GIT2: variants seen among roughly 807,000 people sequenced by gnomAD.
The protein encoded by GIT2 is ARF GTPase-activating protein GIT2.
In GIT2, 32 loss-of-function variants were observed where a neutral mutation model predicts 100.3. The ratio of observed to expected loss-of-function variants is 0.32; its 90% confidence interval spans 0.24 to 0.43. The LOEUF (loss-of-function observed/expected upper bound fraction) is 0.43, where lower values mean the gene tolerates loss of function less well. GIT2 is among the 20% of genes least tolerant of loss of function. GIT2 has a pLI of 1.00. For missense variants in GIT2, 737 were observed against 975.1 expected (o/e 0.76, Z 3.25); for synonymous variants, 353 against 364.1 (o/e 0.97, Z 0.35).
At position 109,942,065 on chromosome 12, in the gene GIT2, T is replaced by C. The variant is rs184695663; in HGVS notation, c.1732-2818A>G. The stretch of plus-strand genomic sequence containing the variant: ...GTCTTGAACTCCTGAGCTCAAGTGA[T>C]CCTCCAACTTTGGCCTCCCAAAGTG... On this transcript the variant is annotated intron_variant, in intron 16 of 19. Coordinates refer to ENST00000355312, the MANE Select transcript of GIT2 (RefSeq NM_057169.5). Among the ~76,000 whole-genome samples the C allele has an allele frequency of 3.9e-3, 595 of 152,250 alleles. 5 individuals are homozygous for C. The highest frequency in any genetic ancestry group is 6.4e-3 in the Non-Finnish European group (438 of 68,012).
chr12:109,933,132 C>T lies in GIT2; in HGVS notation c.2126G>A (p.Arg709Gln), dbSNP rs752619910. ...GGTCTTCTTGCACTCTGACTGCAGTCGGTAGGCACTGGACGTCAGTAAACG... is the reference window on the plus strand; with the variant it reads ...GGTCTTCTTGCACTCTGACTGCAGTTGGTAGGCACTGGACGTCAGTAAACG... ...SLRLLTSSAYRLQSECKKTLP... is the reference protein window; with the variant it reads ...SLRLLTSSAYQLQSECKKTLP... The change falls in exon 20 of 20, where the codon CGA (arginine) becomes CAA (glutamine). Residue 709 changes from arginine (R) to glutamine (Q), a missense_variant. Physicochemically the swap from Arg to Gln is conservative, Grantham distance 43. Around this residue, in one of 3 missense-constraint regions of GIT2, gnomAD observed 451 missense variants for 543.7 expected, o/e 0.83. Coordinates refer to ENST00000355312, the MANE Select transcript of GIT2 (RefSeq NM_057169.5). The surrounding 1 kb of genome is among the most constrained non-coding windows in gnomAD (Gnocchi z 4.5). The T allele has an allele frequency of 5.0e-6, 8 of 1,606,710 alleles. No individual in the cohort carries two copies. The highest frequency in any genetic ancestry group is 6.8e-6 in the Non-Finnish European group (8 of 1,176,268).
At chr12:109,939,291 C>T (rs1392159978) in intron 16 of GIT2, 44 bp from the exon 17 acceptor site, 2 of 1,096,760 alleles carry the variant, frequency 1.8e-6, no homozygotes, top group Non-Finnish European at 2.8e-6. Context: ...TAACATGAGA[C>T]TCTTCTCAGG....
intron 18 of GIT2, among the ~76,000 whole-genome samples, chr12:109,937,112 T>C (rs1223121139): frequency 6.6e-6 from 1 of 152,212 alleles, no homozygotes; most frequent in East Asian, 1.9e-4. Context: ...TCTTTTTCTC[T>C]GAGGAGCTTC....
chr12:109,968,927 T>C (rs1368737524), intron 7 of GIT2, among the ~76,000 whole-genome samples: 1 of 151,954 alleles, frequency 6.6e-6, no homozygotes, highest in African/African-American at 2.4e-5. Flanking sequence ...TTTCGCCACA[T>C]TGCCTAGGCT....
In GIT2 at chr12:109,938,690, A is replaced by C; in HGVS notation, c.1815-122T>G. The C allele has an allele frequency of 3.0e-6, 2 of 672,938 alleles. 1 individual carries two copies. The highest frequency in any genetic ancestry group is 4.0e-5 in the South Asian group (2 of 50,352). 41.7% of individuals were successfully genotyped at this position (672,938 alleles called of 1,614,324 possible). The stretch of plus-strand genomic sequence containing the variant: ...GCAGGCTGGTCTCGTCATTTCCTTT[A>C]TCCTGTCTAGCAGGAGACTCATGGT... On this transcript the variant is annotated intron_variant, in intron 17 of 19. Transcript: ENST00000355312.
intron 4 of GIT2, among the ~76,000 whole-genome samples, chr12:109,984,109 T>A (rs893447259): frequency 6.6e-6 from 1 of 152,090 alleles, no homozygotes; most frequent in African/African-American, 2.4e-5. Flanking sequence ...ACTTTCCTCA[T>A]CTCAAAAATG....
chr12:109,999,751 C>A, upstream of GIT2: 1 of 1,532,676 alleles, frequency 6.5e-7, no homozygotes, highest in South Asian at 1.2e-5. This position sits in a 1 kb window ranked among gnomAD's most constrained non-coding sequence, Gnocchi z 4.3. Context: ...GGAAAAACGA[C>A]TACCGGCAGC....
At chr12:109,938,242 A>G (rs1873597440) in intron 18 of GIT2, 138 bp downstream of exon 18, 1 of 599,692 alleles carries the variant, frequency 1.7e-6, no homozygotes, top group East Asian at 2.7e-5. Flanking sequence ...CATTGTTCTT[A>G]AGCCTGTTAT....
At position 109,945,269 on chromosome 12, in the gene GIT2, G is replaced by C. The variant is rs745681173; in HGVS notation, c.1722C>G (p.Ser574Arg). The change falls in exon 16 of 20, where the codon AGC becomes AGG. Residue 574 changes from serine (S) to arginine (R), a missense_variant. This residue lies in a region of GIT2 where 451 missense variants were observed against 543.7 expected (regional missense o/e 0.83). Coordinates refer to ENST00000355312, the MANE Select transcript of GIT2 (RefSeq NM_057169.5). ...PSTLSWSRDE[S>R]ARRASRLEKQ... ...TCAGAATGTACTTAACCCTTCGGGC[G>C]CTTTCGTCCCTCGACCAGGAAAGTG... The C allele has an allele frequency of 7.8e-6, 12 of 1,528,762 alleles. No individual in the cohort carries two copies. The highest frequency in any genetic ancestry group is 1.4e-5 in the African/African-American group (1 of 73,276). The allele number at this position is 1,528,762 out of a possible 1,614,324, so 94.7% of individuals were successfully genotyped here.
chr12:109,983,541 T>C, intron 5 of GIT2, 38 bp from the exon 6 acceptor site: 1 of 1,606,352 alleles, frequency 6.2e-7, no homozygotes, highest in Non-Finnish European at 8.5e-7. Flanking sequence ...AAAGAGCACA[T>C]TAAATAAAGG....
chr12:109,936,651 T>G (rs964572719), intron 18 of GIT2, among the ~76,000 whole-genome samples: 5 of 152,166 alleles, frequency 3.3e-5, no homozygotes, highest in African/African-American at 1.2e-4. Context: ...GTAGATCACT[T>G]GAGATCAGGA....
chr12:109,997,204 C>CAAAA (rs35732772), upstream of GIT2, among the ~76,000 whole-genome samples: 8 of 43,310 alleles, frequency 1.8e-4, no homozygotes, highest in African/African-American at 3.1e-4. Flanking sequence ...GACTCCGTCT[C>CAAAA]AAAAAAAAAA....
intron 11 of GIT2, 63 bp from the exon 12 acceptor site, chr12:109,960,021 A>G: frequency 1.9e-6 from 2 of 1,053,044 alleles, no homozygotes; most frequent in Non-Finnish European, 2.9e-6. Flanking sequence ...AAATAGTCAC[A>G]TAAAACTAGT....
rs1228397506 is a variant in GIT2 at position 109,932,176 on chromosome 12, G to C, written c.*802C>G. 1 of 152,244 alleles carries C rather than the reference G, an allele frequency of 6.6e-6. No homozygotes were observed. The highest frequency in any genetic ancestry group is 2.4e-5 in the African/African-American group (1 of 41,436). 9.4% of individuals were successfully genotyped at this position (152,244 alleles called of 1,614,324 possible). On this transcript the variant is annotated 3_prime_UTR_variant, in exon 20 of 20. Transcript: ENST00000355312. ...TAGACTGATGCTTCTCTTTGCTGCA[G>C]GTTTTGAACAAACTGTCTGGCTTAC...
intron 9 of GIT2, 105 bp downstream of exon 9, chr12:109,965,421 T>A: frequency 1.5e-6 from 1 of 665,338 alleles, no homozygotes; most frequent in Non-Finnish European, 2.6e-6. Flanking sequence ...AATAAAAGTA[T>A]GAAATAAAGT....
intron 12 of GIT2, among the ~76,000 whole-genome samples, chr12:109,958,889 A>AC (rs2136363045): frequency 6.6e-6 from 1 of 152,266 alleles, no homozygotes; most frequent in African/African-American, 2.4e-5. Context: ...ACTGAACTAG[A>AC]CTCAACAGGG....
At chr12:109,952,736 G>A (rs1304751361) in intron 13 of GIT2, 18 of 466,078 alleles carry the variant, frequency 3.9e-5, no homozygotes, top group South Asian at 2.2e-4. Context: ...TGTGTGCTTC[G>A]TATGACACAC....
At position 109,983,635 on chromosome 12, in the gene GIT2, T is replaced by G. The variant is rs375355584; in HGVS notation, c.465A>C (p.Leu155Phe). Residue 155 changes from leucine (L) to phenylalanine (F), a missense_variant, in exon 5 of 20, where the codon TTA becomes TTC. Physicochemically the swap from Leu to Phe is conservative, Grantham distance 22. Coordinates refer to ENST00000355312, the MANE Select transcript of GIT2 (RefSeq NM_057169.5). ...GATGAAAGAAGTTGGCTTGTGCTCCTAAAGATAACAGTCTCAAACAGGTTT... is the reference window on the plus strand; with the variant it reads ...GATGAAAGAAGTTGGCTTGTGCTCCGAAAGATAACAGTCTCAAACAGGTTT... Reference protein sequence around the residue: ...NLETCLRLLSLGAQANFFHPE... With the variant: ...NLETCLRLLSFGAQANFFHPE... The G allele has an allele frequency of 2.6e-5, 42 of 1,612,820 alleles. No homozygotes were observed. The highest frequency in any genetic ancestry group is 3.6e-5 in the Non-Finnish European group (42 of 1,178,956).
intron 7 of GIT2, among the ~76,000 whole-genome samples, chr12:109,973,111 A>G (rs1021886681): frequency 6.6e-5 from 10 of 152,082 alleles, no homozygotes; most frequent in Non-Finnish European, 1.5e-4. Context: ...TACCACTGTG[A>G]GCCACTATGC....
Sources: gnomAD v4.1 joint callset for allele counts (sites outside exome capture counted in the v4.1 genomes callset) on GRCh38, gnomAD v4.1.1 for gene constraint, gnomAD v4.1.1 regional missense constraint, Gnocchi (gnomAD v3.1) non-coding constraint, MANE v1.5 for transcripts, NCBI Gene and HGNC (gene_info 2026-07-23, HGNC 2026-07-21) for gene names.